Variants in DLG2 observed in about 807,000 individuals in gnomAD.
The protein encoded by DLG2 is discs large MAGUK scaffold protein 2.
Under a neutral mutation model 132.5 loss-of-function variants are expected in DLG2, and 45 were observed. That is an observed-to-expected ratio of 0.34 (90% CI 0.27 to 0.44). DLG2 has a LOEUF of 0.44. Ranked by LOEUF, DLG2 falls within the 20% of genes least tolerant of loss-of-function variation. The probability of loss-of-function intolerance (pLI) is 1.00; values close to 1 mark genes in which losing one functional copy is unlikely to be tolerated. For missense variants in DLG2, 1,045 were observed against 1,196.9 expected, an observed-to-expected ratio of 0.87 and a Z score of 1.87; for synonymous variants, 424 against 419.6, an observed-to-expected ratio of 1.01 and a Z score of -0.13.
intron 18 of DLG2, among the ~76,000 whole-genome samples, chr11:83,678,145 C>T (rs1317488846): frequency 1.3e-5 from 2 of 152,120 alleles, no homozygotes; most frequent in Non-Finnish European, 2.9e-5. Flanking sequence ...TAAGACTATG[C>T]CCTCTGAACT....
At chr11:85,156,416 C>T (rs995574418) in intron 4 of DLG2, among the ~76,000 whole-genome samples, 2 of 152,078 alleles carry the variant, frequency 1.3e-5, no homozygotes, top group South Asian at 4.2e-4. Context: ...AAAGTTGATA[C>T]ATAGATAGAT....
At chr11:85,507,588 T>C (rs1261175570) in intron 3 of DLG2, among the ~76,000 whole-genome samples, 1 of 152,236 alleles carries the variant, frequency 6.6e-6, no homozygotes, top group African/African-American at 2.4e-5. Context: ...CAGCTGTTAG[T>C]CTGATGGGCT....
chr11:85,475,319 C>T (rs1366051539), intron 3 of DLG2, among the ~76,000 whole-genome samples: 3 of 151,872 alleles, frequency 2.0e-5, no homozygotes, highest in Non-Finnish European at 4.4e-5. Context: ...TTAATCTCTA[C>T]CTTCTATAAA....
At chr11:84,672,536 C>G (rs1380507914) in intron 6 of DLG2, among the ~76,000 whole-genome samples, 1 of 152,082 alleles carries the variant, frequency 6.6e-6, no homozygotes, top group Non-Finnish European at 1.5e-5. Flanking sequence ...CATTTCCATC[C>G]ATCCATTCAT....
At chr11:85,185,995 C>G (rs1421738613) in intron 4 of DLG2, among the ~76,000 whole-genome samples, 1 of 152,054 alleles carries the variant, frequency 6.6e-6, no homozygotes. Flanking sequence ...CAACAAAATA[C>G]CAAAGCTCAT....
At chr11:84,714,320 A>G (rs2060775531) in intron 6 of DLG2, among the ~76,000 whole-genome samples, 1 of 152,172 alleles carries the variant, frequency 6.6e-6, no homozygotes, top group Non-Finnish European at 1.5e-5. Context: ...TTTTACAACA[A>G]AGTTGGCCAC....
intron 7 of DLG2, among the ~76,000 whole-genome samples, chr11:84,447,795 T>C (rs935018280): frequency 1.3e-5 from 2 of 152,224 alleles, no homozygotes; most frequent in Non-Finnish European, 1.5e-5. Flanking sequence ...TATGCTGTGA[T>C]TTACCACCCA....
intron 17 of DLG2, among the ~76,000 whole-genome samples, chr11:83,822,540 G>A (rs560235254): frequency 5.3e-5 from 8 of 152,258 alleles, no homozygotes; most frequent in Non-Finnish European, 1.0e-4. Context: ...CCCCTCAGCA[G>A]CTACAACAGG....
chr11:83,487,554 T>C (rs1243356068), intron 21 of DLG2, among the ~76,000 whole-genome samples: 1 of 152,066 alleles, frequency 6.6e-6, no homozygotes, highest in Non-Finnish European at 1.5e-5. Flanking sequence ...AATATCACTG[T>C]TTTTAAGAGC....
At chr11:84,655,912 T>G (rs2099687677) in intron 6 of DLG2, among the ~76,000 whole-genome samples, 1 of 152,172 alleles carries the variant, frequency 6.6e-6, no homozygotes. Context: ...ATTCTGCCAG[T>G]TCATTTCCAT....
Position 84,316,875 on chromosome 11 carries a change from T to C in DLG2, c.520-65584A>G, listed in dbSNP as rs764980908. On this transcript the variant is annotated intron_variant, in intron 7 of 27. Transcript: ENST00000376104. ...GGGCAGGTACAATGCTCCCCACAAG[T>C]CCCTTTGCCCTTGGTGCTCGTCTTG... 5.0e-6 allele frequency: 8 copies of C among 1,612,836 alleles called. No homozygotes were observed. The East Asian group carries it at 1.6e-4, about 31-fold the overall frequency.
chr11:85,069,302 G>C (rs1330292624), intron 6 of DLG2, among the ~76,000 whole-genome samples: 1 of 152,108 alleles, frequency 6.6e-6, no homozygotes, highest in Non-Finnish European at 1.5e-5. Flanking sequence ...ATTGACAAAT[G>C]GGATCTGATT....
chr11:83,982,762 G>A lies in DLG2; in HGVS notation c.920-2120C>T, dbSNP rs60484089. Among the ~76,000 whole-genome samples, 5 of 152,184 alleles carry A rather than the reference G, an allele frequency of 3.3e-5. No homozygotes were observed. The South Asian group carries it at 8.3e-4, about 25-fold the overall frequency. On this transcript the variant is annotated intron_variant, in intron 11 of 27. Transcript: ENST00000376104. ...CATTACTCATTCACTGATTTACCCA[G>A]AGCAATTTTCAGTCCTATAGGTTCC...
chr11:83,998,226 G>A (rs1430130431), intron 11 of DLG2, among the ~76,000 whole-genome samples: 5 of 152,134 alleles, frequency 3.3e-5, no homozygotes, highest in African/African-American at 9.7e-5. Flanking sequence ...ATTTAGAAGT[G>A]TCATGTTTAT....
chr11:83,820,810 T>G (rs1468634751), intron 17 of DLG2, among the ~76,000 whole-genome samples: 2 of 152,168 alleles, frequency 1.3e-5, no homozygotes, highest in Admixed American at 1.3e-4. Context: ...GGATCCTATC[T>G]ACTGATCCAT....
intron 3 of DLG2, among the ~76,000 whole-genome samples, chr11:85,414,560 T>G (rs550489781): frequency 3.3e-5 from 5 of 152,014 alleles, no homozygotes; most frequent in Non-Finnish European, 7.4e-5. Flanking sequence ...TTGAATAGAA[T>G]GTATATTCTG....
chr11:85,469,750 T>A (rs971840452), intron 3 of DLG2: 34 of 152,230 alleles, frequency 2.2e-4, no homozygotes, highest in African/African-American at 8.2e-4. Flanking sequence ...CTTAAGTATT[T>A]GGTTTTCCAG....
intron 10 of DLG2, among the ~76,000 whole-genome samples, chr11:84,082,511 C>T (rs965321286): frequency 1.3e-5 from 2 of 152,070 alleles, no homozygotes; most frequent in African/African-American, 4.8e-5. Flanking sequence ...ACTAAAACAC[C>T]AATCCACACT....
chr11:83,790,044 TATACTGAC>T, intron 17 of DLG2: 1 of 1,374,272 alleles, frequency 7.3e-7, no homozygotes, highest in South Asian at 1.8e-5. Context: ...TCTATTCTGG[TATACTGAC>T]ATAAAACAAA....
Sources: gnomAD v4.1 joint callset for allele counts (sites outside exome capture counted in the v4.1 genomes callset) on GRCh38, gnomAD v4.1.1 for gene constraint, MANE v1.5 for transcripts, NCBI Gene and HGNC (gene_info 2026-07-23, HGNC 2026-07-21) for gene names.